The following ATF7IP2 variants were observed in gnomAD, a reference collection of about 807,000 sequenced individuals.
ATF7IP2 encodes activating transcription factor 7-interacting protein 2.
A neutral mutation model predicts 64.2 loss-of-function variants in ATF7IP2; 42 were observed. The ratio of observed to expected loss-of-function variants is 0.65; its 90% CI spans 0.51 to 0.85. The LOEUF is 0.85. ATF7IP2 is among the 40% of genes least tolerant of loss of function. The pLI is 0.00. For synonymous variants in ATF7IP2, 308 were observed against 272.8 expected (o/e 1.13, Z -1.27); for missense variants, 933 against 784.2 (o/e 1.19, Z -2.27).
intron 1 of ATF7IP2, among the ~76,000 whole-genome samples, chr16:10,401,641 C>T (rs1360021351): frequency 2.6e-5 from 4 of 151,594 alleles, no homozygotes; most frequent in Non-Finnish European, 4.4e-5. Context: ...GAATTCCCTC[C>T]TTTTTTTTCC....
intron 6 of ATF7IP2, among the ~76,000 whole-genome samples, chr16:10,437,810 A>G (rs188157574): frequency 3.9e-5 from 6 of 152,336 alleles, no homozygotes; most frequent in Admixed American, 6.5e-5. Flanking sequence ...AATTGTTTCT[A>G]TAATGTATAG....
chr16:10,424,841 G>A (rs2048052274), intron 3 of ATF7IP2, among the ~76,000 whole-genome samples: 1 of 152,168 alleles, frequency 6.6e-6, no homozygotes, highest in African/African-American at 2.4e-5. Context: ...GATAAGAAGT[G>A]TTGGTGAAAA....
intron 12 of ATF7IP2, among the ~76,000 whole-genome samples, chr16:10,478,353 A>G (rs1429335057): frequency 1.3e-5 from 2 of 152,098 alleles, no homozygotes; most frequent in African/African-American, 4.8e-5. Context: ...AACGCCACAT[A>G]TCTACAACTA....
At chr16:10,461,389 T>G (rs2049371066) in intron 9 of ATF7IP2, among the ~76,000 whole-genome samples, 1 of 152,120 alleles carries the variant, frequency 6.6e-6, no homozygotes, top group African/African-American at 2.4e-5. Flanking sequence ...TGCCATAGAA[T>G]ATATGTTTAG....
intron 5 of ATF7IP2, among the ~76,000 whole-genome samples, chr16:10,432,062 C>T (rs1369088729): frequency 1.4e-5 from 2 of 145,216 alleles, no homozygotes; most frequent in African/African-American, 5.1e-5. Flanking sequence ...TGGTCTCGAA[C>T]TCCTGACCTC....
intron 8 of ATF7IP2, among the ~76,000 whole-genome samples, chr16:10,452,620 A>T (rs2049022151): frequency 6.6e-6 from 1 of 152,204 alleles, no homozygotes; most frequent in South Asian, 2.1e-4. Context: ...CATTTAGCAG[A>T]GCTCAAATGC....
intron 13 of ATF7IP2, 86 bp downstream of exon 13, chr16:10,481,050 C>G (rs1386090970): frequency 1.0e-6 from 1 of 967,550 alleles, no homozygotes; most frequent in Non-Finnish European, 1.6e-6. Context: ...ACATTTGGGT[C>G]ACATTTCAGC....
chr16:10,443,915 G>A (rs148858480), intron 8 of ATF7IP2, among the ~76,000 whole-genome samples: 152 of 152,246 alleles, frequency 1.0e-3, no homozygotes, highest in South Asian at 1.5e-3. Flanking sequence ...GCTTTAGGGC[G>A]GCACAGGGAC....
At position 10,471,944 on chromosome 16, in the gene ATF7IP2, T is replaced by G. The variant is rs374102027; in HGVS notation, c.1353-166T>G. 19 of 434,168 alleles carry G rather than the reference T, an allele frequency of 4.4e-5. No individual in the cohort carries two copies. In the Middle Eastern group the frequency reaches 1.6e-3, roughly 36 times the overall value. The allele number at this position is 434,168 out of a possible 1,614,324, so 26.9% of individuals were successfully genotyped here. On this transcript the variant is annotated intron_variant, in intron 9 of 13. Coordinates refer to ENST00000562102, the MANE Select transcript of ATF7IP2 (RefSeq NM_001393719.1). ...GTCATATAACGGAACTGGTAATAAATGGAGTTTTTTTGGGTATTTGGTTTT... is the reference window on the plus strand; with the variant it reads ...GTCATATAACGGAACTGGTAATAAAGGGAGTTTTTTTGGGTATTTGGTTTT...
At chr16:10,426,293 T>A (rs1342476322) in intron 3 of ATF7IP2, among the ~76,000 whole-genome samples, 1 of 152,212 alleles carries the variant, frequency 6.6e-6, no homozygotes, top group Non-Finnish European at 1.5e-5. Flanking sequence ...GGATCCCCAA[T>A]TAGTTTGGGT....
In ATF7IP2 at chr16:10,428,949, C is replaced by G. The variant is rs899833207; in HGVS notation, c.-78C>G. ...AGTGCAGTGGTGCAATCACAGATCA[C>G]GGCAGTGTCTAATTCCTGGGCTCAA... On this transcript the variant is annotated 5_prime_UTR_variant, in exon 4 of 14. Coordinates refer to ENST00000562102, the MANE Select transcript of ATF7IP2 (RefSeq NM_001393719.1). The G allele has an allele frequency of 2.0e-5, 3 of 151,838 alleles. No homozygotes were observed. Among genetic ancestry groups the G allele is most frequent in the Admixed American group, 2.0e-4 (3 of 15,226 alleles). The allele number at this position is 151,838 out of a possible 1,614,324, so 9.4% of individuals were successfully genotyped here.
rs868114848 is a variant in ATF7IP2 at position 10,482,191 on chromosome 16, G to A, written c.1991G>A (p.Arg664Gln). 3.1e-6 allele frequency: 5 copies of A among 1,611,912 alleles called. No individual in the cohort carries two copies. Among genetic ancestry groups the A allele is most frequent in the South Asian group, 1.1e-5 (1 of 90,610 alleles). The change falls in exon 14 of 14, where the codon CGA (arginine) becomes CAA (glutamine). Residue 664 changes from arginine to glutamine, a missense_variant. Transcript: ENST00000562102. ...FTVQSKDIFG[R>Q]YGPFCDIKSI... ...GTCCAATCAAAAGATATTTTTGGAC[G>A]ATATGGACCATTCTGTGATATAAAA...
intron 9 of ATF7IP2, among the ~76,000 whole-genome samples, chr16:10,459,621 T>C (rs2049306022): frequency 6.6e-6 from 1 of 152,272 alleles, no homozygotes; most frequent in South Asian, 2.1e-4. Flanking sequence ...TACTCCAGCC[T>C]GGGTGACAGA....
rs200578952 is a variant in ATF7IP2 at position 10,472,593 on chromosome 16, C to T, written c.1426+410C>T. Among the ~76,000 whole-genome samples, 19 of 152,186 alleles carry T rather than the reference C, an allele frequency of 1.2e-4. No homozygotes were observed. In the East Asian group the frequency reaches 3.5e-3, roughly 28 times the overall value. On this transcript the variant is annotated intron_variant, in intron 10 of 13. Coordinates refer to ENST00000562102, the MANE Select transcript of ATF7IP2 (RefSeq NM_001393719.1). ...TAGTCAGTCTGGGTGTGGTGGCTCA[C>T]ACCTGTAATCCAAGCACTTTGGGAG... is the stretch of plus-strand genomic sequence containing the variant.
At chr16:10,424,691 A>G (rs1404334792) in intron 3 of ATF7IP2, among the ~76,000 whole-genome samples, 2 of 152,330 alleles carry the variant, frequency 1.3e-5, no homozygotes, top group East Asian at 1.9e-4. Flanking sequence ...CTGCATAGAC[A>G]TTTATCCAAA....
At chr16:10,392,191 C>A (rs1460980902) in intron 1 of ATF7IP2, among the ~76,000 whole-genome samples, 1 of 151,602 alleles carries the variant, frequency 6.6e-6, no homozygotes, top group Non-Finnish European at 1.5e-5. Flanking sequence ...GTAGCACCCG[C>A]CACCATGCCC....
chr16:10,386,200 C>A (rs1294892644), intron 1 of ATF7IP2, 78 bp downstream of exon 1: 2 of 152,254 alleles, frequency 1.3e-5, no homozygotes, highest in African/African-American at 4.8e-5. Context: ...GGTCGCCTCT[C>A]TGAGGGCCGG....
intron 9 of ATF7IP2, among the ~76,000 whole-genome samples, chr16:10,467,296 T>C (rs2049610659): frequency 6.6e-6 from 1 of 152,198 alleles, no homozygotes; most frequent in Admixed American, 6.5e-5. Context: ...TTTTAAAGAT[T>C]TTCTGCTCAG....
chr16:10,471,736 G>A (rs2049807304), intron 9 of ATF7IP2, among the ~76,000 whole-genome samples: 1 of 152,018 alleles, frequency 6.6e-6, no homozygotes, highest in African/African-American at 2.4e-5. Context: ...TGTCTTTATG[G>A]GTCTTAATAG....
Sources: gnomAD v4.1 joint callset for allele counts (sites outside exome capture counted in the v4.1 genomes callset) on GRCh38, gnomAD v4.1.1 for gene constraint, MANE v1.5 for transcripts, NCBI Gene and HGNC (gene_info 2026-07-23, HGNC 2026-07-21) for gene names.